LRRC7: variants seen among roughly 807,000 people sequenced by gnomAD.
The protein encoded by LRRC7 is leucine rich repeat containing 7.
A neutral mutation model predicts 175.7 loss-of-function variants in LRRC7; 23 were observed. The ratio of observed to expected loss-of-function variants is 0.13; its 90% CI spans 0.09 to 0.19. The LOEUF is 0.19. LRRC7 is among the 10% of genes least tolerant of loss of function. LRRC7 has a pLI of 1.00. For missense variants in LRRC7, 1,354 were observed against 1,904.7 expected (o/e 0.71, Z 5.38); for synonymous variants, 685 against 680.9 (o/e 1.01, Z -0.09).
intron 1 of LRRC7, among the ~76,000 whole-genome samples, chr1:69,618,114 A>G (rs1361169576): frequency 1.3e-5 from 2 of 152,056 alleles, no homozygotes; most frequent in African/African-American, 2.4e-5. Flanking sequence ...CTGCTATGTA[A>G]GAACACACTT....
chr1:69,639,282 T>C (rs1166400461), intron 1 of LRRC7, among the ~76,000 whole-genome samples: 1 of 151,748 alleles, frequency 6.6e-6, no homozygotes. Flanking sequence ...TGTTTTTGTA[T>C]TGTATTGTTC....
chr1:69,592,410 AT>A (rs573997093), intron 1 of LRRC7, among the ~76,000 whole-genome samples: 3 of 151,852 alleles, frequency 2.0e-5, no homozygotes, highest in Non-Finnish European at 2.9e-5. Flanking sequence ...GAGTGCATAT[AT>A]TTTTTTTACT....
intron 1 of LRRC7, among the ~76,000 whole-genome samples, chr1:69,570,490 G>C (rs1396196708): frequency 6.6e-6 from 1 of 151,088 alleles, no homozygotes; most frequent in African/African-American, 2.4e-5. Context: ...ATTTCCTCTG[G>C]GAGACGGTGG....
At chr1:69,979,948 A>G (rs1024901362) in intron 8 of LRRC7, among the ~76,000 whole-genome samples, 9 of 151,992 alleles carry the variant, frequency 5.9e-5, no homozygotes, top group African/African-American at 2.2e-4. Flanking sequence ...GCAAGGCGCT[A>G]ATACACACAC....
chr1:70,046,444 A>G (rs954388955), intron 22 of LRRC7, among the ~76,000 whole-genome samples: 9 of 152,154 alleles, frequency 5.9e-5, no homozygotes, highest in Admixed American at 2.6e-4. Flanking sequence ...TTGCAAATCA[A>G]GAATCATTCA....
intron 1 of LRRC7, among the ~76,000 whole-genome samples, chr1:69,656,124 C>G (rs1311115564): frequency 6.6e-6 from 1 of 151,624 alleles, no homozygotes; most frequent in Non-Finnish European, 1.5e-5. Context: ...AAATGGGATG[C>G]AAAAGAGCCA....
intron 7 of LRRC7, among the ~76,000 whole-genome samples, chr1:69,856,988 T>C (rs1355532752): frequency 2.0e-5 from 3 of 152,046 alleles, no homozygotes; most frequent in African/African-American, 7.2e-5. Flanking sequence ...TAATACAGCA[T>C]ATAAACAGAA....
chr1:69,804,620 C>T (rs1003464406), intron 4 of LRRC7, among the ~76,000 whole-genome samples: 2 of 151,582 alleles, frequency 1.3e-5, no homozygotes, highest in African/African-American at 4.8e-5. Context: ...ATCTACATTG[C>T]ATGTAAATTA....
chr1:69,640,896 G>T (rs1654104807), intron 1 of LRRC7, among the ~76,000 whole-genome samples: 1 of 151,304 alleles, frequency 6.6e-6, no homozygotes, highest in Admixed American at 6.6e-5. Flanking sequence ...AGTCATTATT[G>T]GCAATATTTC....
At chr1:69,770,988 CAAGG>C (rs1249945790) in intron 3 of LRRC7, among the ~76,000 whole-genome samples, 3 of 152,180 alleles carry the variant, frequency 2.0e-5, no homozygotes, top group Non-Finnish European at 4.4e-5. Flanking sequence ...CTATAACTAA[CAAGG>C]CTGCATGATT....
rs369464699 is a variant in LRRC7 at position 69,654,488 on chromosome 1, G to T, written c.3-23893G>T. 6.6e-5 allele frequency among the ~76,000 whole-genome samples: 10 copies of T among 151,978 alleles called. No individual in the cohort carries two copies. In the East Asian group the frequency reaches 1.9e-3, roughly 29 times the overall value. The stretch of plus-strand genomic sequence containing the variant: ...GCCTTGCTTCCAAAATTAGAGTTGT[G>T]ATAACAAGTCATGATAACCCTTATT... On this transcript the variant is annotated intron_variant, in intron 1 of 26. Transcript: ENST00000651989.
rs1666379635 is a variant in LRRC7 at position 70,124,933 on chromosome 1, A to C, written c.*3046A>C. Among the ~76,000 whole-genome samples, 1 of 152,220 alleles carries C rather than the reference A, an allele frequency of 6.6e-6. No homozygotes were observed. The highest frequency in any genetic ancestry group is 1.5e-5 in the Non-Finnish European group (1 of 68,044). On this transcript the variant is annotated 3_prime_UTR_variant, in exon 27 of 27. Coordinates refer to ENST00000651989, the MANE Select transcript of LRRC7 (RefSeq NM_001370785.2). ...GAGAAACATTAGAGGTAGAAAGAGCAAGTGATGAAAATTACTAGTAAAATT... is the reference window on the plus strand; with the variant it reads ...GAGAAACATTAGAGGTAGAAAGAGCCAGTGATGAAAATTACTAGTAAAATT...
chr1:69,913,719 G>C (rs1646603659), intron 7 of LRRC7, among the ~76,000 whole-genome samples: 1 of 152,006 alleles, frequency 6.6e-6, no homozygotes, highest in Admixed American at 6.6e-5. Context: ...TACCATGTTG[G>C]CCAGGCTGGT....
At chr1:69,601,352 G>A (rs571052653) in intron 1 of LRRC7, among the ~76,000 whole-genome samples, 8 of 152,234 alleles carry the variant, frequency 5.3e-5, no homozygotes, top group South Asian at 4.2e-4. Context: ...CCATTACTGC[G>A]TGGATCATTC....
chr1:70,088,837 A>G (rs1183462714), intron 24 of LRRC7, among the ~76,000 whole-genome samples: 1 of 152,036 alleles, frequency 6.6e-6, no homozygotes, highest in Admixed American at 6.6e-5. Flanking sequence ...AACTTCTATT[A>G]TTGCTATAAT....
intron 8 of LRRC7, among the ~76,000 whole-genome samples, chr1:69,949,832 T>C (rs913736490): frequency 1.1e-4 from 16 of 152,134 alleles, no homozygotes; most frequent in African/African-American, 3.9e-4. Context: ...ATATAAACTT[T>C]TGGTACTCAT....
intron 24 of LRRC7, among the ~76,000 whole-genome samples, chr1:70,079,416 A>G (rs909658875): frequency 2.1e-5 from 3 of 142,972 alleles, no homozygotes; most frequent in Non-Finnish European, 3.0e-5. Flanking sequence ...ATGGAAAAAA[A>G]TTATTCAACA....
At chr1:69,777,091 A>C (rs78059168) in intron 3 of LRRC7, among the ~76,000 whole-genome samples, 1,659 of 152,244 alleles carry the variant, frequency 0.011, 38 homozygotes, top group African/African-American at 0.038. Flanking sequence ...ATGTTTATTC[A>C]TTAATATTAA....
At chr1:69,916,859 G>C (rs1358192187) in intron 7 of LRRC7, among the ~76,000 whole-genome samples, 1 of 152,054 alleles carries the variant, frequency 6.6e-6, no homozygotes, top group African/African-American at 2.4e-5. Flanking sequence ...ATTTTCAGTG[G>C]TGTTAATAAG....
Sources: gnomAD v4.1 joint callset for allele counts (sites outside exome capture counted in the v4.1 genomes callset) on GRCh38, gnomAD v4.1.1 for gene constraint, MANE v1.5 for transcripts, NCBI Gene and HGNC (gene_info 2026-07-23, HGNC 2026-07-21) for gene names.